The following CFAP58 variants were observed in gnomAD, a reference collection of about 807,000 sequenced individuals.
The protein encoded by CFAP58 is cilia and flagella associated protein 58.
CFAP58 carries 88 observed loss-of-function variants against 119.5 expected under a neutral mutation model. The ratio of observed to expected loss-of-function variants is 0.74; its 90% CI spans 0.62 to 0.88. The LOEUF (loss-of-function observed/expected upper bound fraction) is 0.88. Among genes scored for constraint, CFAP58 ranks in the 40% least tolerant of loss-of-function variants. CFAP58 has a pLI of 0.00. For synonymous variants in CFAP58, 365 were observed against 366.3 expected (o/e 1.00, Z 0.04); for missense variants, 990 against 1,021.2 (o/e 0.97, Z 0.42).
intron 17 of CFAP58, among the ~76,000 whole-genome samples, chr10:104,452,998 AAAG>A (rs1239813888): frequency 2.0e-5 from 3 of 152,242 alleles, no homozygotes; most frequent in South Asian, 2.1e-4. Context: ...TATAGACTGG[AAAG>A]AAGAAGGCTG....
chr10:104,339,692 T>C, the CFAP58 span, among the ~76,000 whole-genome samples: 1 of 152,220 alleles, frequency 6.6e-6, no homozygotes, highest in African/African-American at 2.4e-5. Context: ...ATAGACTCCC[T>C]GGCCCTTGGC....
In CFAP58 at chr10:104,372,880, G is replaced by A. The variant is rs574742954; in HGVS notation, c.1090+1826G>A. ...ATCATTATTTCTTCTTAGGGATCAC[G>A]TCCTTTTGATGTGTTCAACCAAAAA... On this transcript the variant is annotated intron_variant, in intron 7 of 17. Transcript: ENST00000369704. Among the ~76,000 whole-genome samples, 81 of 152,102 alleles carry A rather than the reference G, an allele frequency of 5.3e-4. 1 individual carries two copies. Among genetic ancestry groups the A allele is most frequent in the Middle Eastern group, 3.4e-3 (1 of 294 alleles).
intron 1 of CFAP58, 44 bp downstream of exon 1, chr10:104,353,950 C>A: frequency 6.2e-7 from 1 of 1,607,316 alleles, no homozygotes; most frequent in Non-Finnish European, 8.5e-7. Context: ...TTGACCCCTC[C>A]CCATTGTCCC....
chr10:104,406,751 C>A lies in CFAP58; in HGVS notation c.2214C>A (p.Ile738=), dbSNP rs756218502. The stretch of plus-strand genomic sequence containing the variant: ...TTCACACCCTGCAGAAGCGTCTCAT[C>A]AGCAAGACTGAAGAGGTGGTTGAAA... The part of the protein sequence containing the change: ...QKIHTLQKRL[I]SKTEEVVEKE... The change falls in exon 15 of 18, where the codon ATC becomes ATA. Residue 738 remains isoleucine (I), a synonymous_variant. Transcript: ENST00000369704. 1 of 1,614,210 alleles carries A rather than the reference C, an allele frequency of 6.2e-7. No individual in the cohort carries two copies. Among genetic ancestry groups the A allele is most frequent in the Non-Finnish European group, 8.5e-7 (1 of 1,180,034 alleles).
At chr10:104,403,890 C>T (rs1365517972) in intron 14 of CFAP58, 50 bp downstream of exon 14, 1 of 1,170,850 alleles carries the variant, frequency 8.5e-7, no homozygotes. Context: ...TCCTCCTATC[C>T]CACGCGAAGC....
chr10:104,443,097 C>T (rs1423103260), intron 15 of CFAP58, among the ~76,000 whole-genome samples: 3 of 152,170 alleles, frequency 2.0e-5, no homozygotes, highest in African/African-American at 7.2e-5. Flanking sequence ...GAGAGAGATT[C>T]ACCATGGTTC....
At chr10:104,342,844 C>CAAAAAAAAA in the CFAP58 span, among the ~76,000 whole-genome samples, 1 of 48,502 alleles carries the variant, frequency 2.1e-5, no homozygotes, top group Non-Finnish European at 3.7e-5. Flanking sequence ...GACCCTGTAT[C>CAAAAAAAAA]AAAAAAAAAA....
chr10:104,354,069 C>T (rs999983270), intron 1 of CFAP58, among the ~76,000 whole-genome samples, 163 bp downstream of exon 1: 1 of 152,196 alleles, frequency 6.6e-6, no homozygotes, highest in East Asian at 1.9e-4. Context: ...TGGCTCTGGC[C>T]TCTTTACCTC....
intron 17 of CFAP58, among the ~76,000 whole-genome samples, chr10:104,452,330 C>T (rs553526447): frequency 2.0e-5 from 3 of 152,226 alleles, no homozygotes; most frequent in African/African-American, 7.2e-5. Flanking sequence ...TATCTTCTTT[C>T]TACCCACAAT....
chr10:104,446,084 A>G (rs764027958), intron 15 of CFAP58, among the ~76,000 whole-genome samples: 2 of 152,238 alleles, frequency 1.3e-5, no homozygotes, highest in Non-Finnish European at 2.9e-5. Context: ...ACCCTCTCCA[A>G]ATTGAATCTT....
At chr10:104,403,615 C>T in intron 13 of CFAP58, 114 bp from the exon 14 acceptor site, 3 of 477,294 alleles carry the variant, frequency 6.3e-6, no homozygotes, top group Non-Finnish European at 1.1e-5. Flanking sequence ...TCACAATATT[C>T]TCCCTAACTC....
rs566315496 is a variant in CFAP58 at position 104,357,884 on chromosome 10, T to C, written c.10-457T>C. The stretch of plus-strand genomic sequence containing the variant: ...ACATATATACACATATATGTACACA[T>C]ATATAAACATATATGTACACATATA... On this transcript the variant is annotated intron_variant, in intron 1 of 17. Coordinates refer to ENST00000369704, the MANE Select transcript of CFAP58 (RefSeq NM_001008723.2). 8.7e-3 allele frequency among the ~76,000 whole-genome samples: 1,039 copies of C among 119,714 alleles called. 42 individuals carry two copies. Among genetic ancestry groups the C allele is most frequent in the Non-Finnish European group, 0.012 (696 of 57,980 alleles). 78.5% of individuals were successfully genotyped at this position (119,714 alleles called of 152,430 possible).
intron 15 of CFAP58, among the ~76,000 whole-genome samples, chr10:104,435,611 G>T (rs188010517): frequency 7.9e-4 from 120 of 152,312 alleles, no homozygotes; most frequent in Non-Finnish European, 1.2e-3. Context: ...GGGCTCAGAA[G>T]TTTGCAGATT....
intron 1 of CFAP58, among the ~76,000 whole-genome samples, chr10:104,356,601 T>G (rs190387636): frequency 3.9e-5 from 6 of 152,330 alleles, no homozygotes; most frequent in African/African-American, 1.4e-4. Context: ...TGAATGTAAT[T>G]CAGTGTCTTC....
At chr10:104,393,304 A>G in intron 10 of CFAP58, 25 bp from the exon 11 acceptor site, 1 of 1,600,132 alleles carries the variant, frequency 6.2e-7, no homozygotes, top group Non-Finnish European at 8.6e-7. Context: ...TTCACTTTCA[A>G]ACATTTCTCC....
At chr10:104,399,283 A>T in intron 11 of CFAP58, 77 bp from the exon 12 acceptor site, 6 of 1,506,310 alleles carry the variant, frequency 4.0e-6, no homozygotes, top group Middle Eastern at 1.8e-4. Flanking sequence ...ACAACTGTAC[A>T]TCTGAATCCG....
rs751112879 is a variant in CFAP58 at position 104,400,824 on chromosome 10, A to C, written c.1960A>C (p.Ile654Leu). 1.2e-6 allele frequency: 2 copies of C among 1,614,204 alleles called. No homozygotes were observed. Among genetic ancestry groups the C allele is most frequent in the Non-Finnish European group, 1.7e-6 (2 of 1,180,036 alleles). Residue 654 changes from isoleucine (I) to leucine (L), a missense_variant, in exon 13 of 18, where the codon ATC becomes CTC. By Grantham distance (5) the Ile-to-Leu change is conservative (BLOSUM62 2). Coordinates refer to ENST00000369704, the MANE Select transcript of CFAP58 (RefSeq NM_001008723.2). ...CAACCAGAGGTTGGAGGACATGAGA[A>C]TCCTCAGACTTGAGATCAAGAAGCT... ...QYNQRLEDMR[I>L]LRLEIKKLRR...
intron 14 of CFAP58, among the ~76,000 whole-genome samples, chr10:104,405,004 T>C (rs542814637): frequency 6.6e-6 from 1 of 152,374 alleles, no homozygotes; most frequent in South Asian, 2.1e-4. Flanking sequence ...ATTTTTGTTT[T>C]TACTTTTTAT....
At chr10:104,340,516 C>T in the CFAP58 span, among the ~76,000 whole-genome samples, 1 of 152,136 alleles carries the variant, frequency 6.6e-6, no homozygotes, top group Admixed American at 6.5e-5. Context: ...ATTGGACACC[C>T]CTCCTGTCGT....
Sources: gnomAD v4.1 joint callset for allele counts (sites outside exome capture counted in the v4.1 genomes callset) on GRCh38, gnomAD v4.1.1 for gene constraint, MANE v1.5 for transcripts, NCBI Gene and HGNC (gene_info 2026-07-23, HGNC 2026-07-21) for gene names.